The following VPS13D variants were observed in gnomAD, a reference collection of about 807,000 sequenced individuals.
VPS13D encodes intermembrane lipid transfer protein VPS13D.
Under a neutral mutation model 461.9 loss-of-function variants are expected in VPS13D, and 187 were observed. That is an observed-to-expected ratio of 0.40 (90% CI 0.36 to 0.46). The LOEUF (loss-of-function observed/expected upper bound fraction) is 0.46, where lower values mean the gene tolerates loss of function less well. Ranked by LOEUF, VPS13D falls within the 20% of genes least tolerant of loss-of-function variation. The pLI, the probability that VPS13D is intolerant of heterozygous loss-of-function variation, is 0.60. For synonymous variants in VPS13D, 1,951 were observed against 1,986.3 expected (o/e 0.98, Z 0.47); for missense variants, 4,711 against 5,364.9 (o/e 0.88, Z 3.81).
At chr1:12,465,154 T>A (rs1354757197) in intron 67 of VPS13D, 1 of 152,204 alleles carries the variant, frequency 6.6e-6, no homozygotes, top group African/African-American at 2.4e-5. Context: ...CAAAAATACC[T>A]TTGAGAAGAA....
In VPS13D at chr1:12,451,114, A is replaced by G. The variant is rs144787926; in HGVS notation, c.12334-4884A>G. 5.5e-3 allele frequency among the ~76,000 whole-genome samples: 831 copies of G among 152,358 alleles called. 5 individuals are homozygous for G. Among genetic ancestry groups the G allele is most frequent in the Middle Eastern group, 0.014 (4 of 294 alleles). ...GTCAGGTAAACTGATCAGACAGAAC[A>G]GAGGAACACAGTGTGAATTTTTTCC... On this transcript the variant is annotated intron_variant, in intron 65 of 69. Transcript: ENST00000620676.
Position 12,508,987 on chromosome 1 carries a change from T to A in VPS13D, c.13130T>A (p.Leu4377His). Residue 4377 changes from leucine (L) to histidine (H), a missense_variant, in exon 70 of 70, where the codon CTC (leucine) becomes CAC (histidine). This residue lies in a region of VPS13D where 194 missense variants were observed against 220.9 expected (regional missense o/e 0.88). Coordinates refer to ENST00000620676, the MANE Select transcript of VPS13D (RefSeq NM_015378.4). ...LYYEQQLMLRLSENREQLELD... is the reference protein window; with the variant it reads ...LYYEQQLMLRHSENREQLELD... ...TATGAACAGCAGCTTATGTTAAGACTCAGCGAAAACCGAGAGCAGCTGGAG... is the reference window on the plus strand; with the variant it reads ...TATGAACAGCAGCTTATGTTAAGACACAGCGAAAACCGAGAGCAGCTGGAG... 1 of 1,614,144 alleles carries A rather than the reference T, an allele frequency of 6.2e-7. No individual in the cohort carries two copies. Among genetic ancestry groups the A allele is most frequent in the Non-Finnish European group, 8.5e-7 (1 of 1,180,020 alleles).
At chr1:12,382,887 A>T in intron 57 of VPS13D, 89 bp from the exon 58 acceptor site, 1 of 1,258,562 alleles carries the variant, frequency 7.9e-7, no homozygotes. Context: ...GAGAATGTAA[A>T]TTTAGGAACT....
At chr1:12,416,893 C>A (rs1644800749) in intron 65 of VPS13D, 66 bp downstream of exon 65, 3 of 1,456,286 alleles carry the variant, frequency 2.1e-6, no homozygotes, top group Middle Eastern at 2.2e-4. Flanking sequence ...ACTACAATTT[C>A]TTTTATAGTT....
chr1:12,393,785 G>A (rs1385154444), intron 60 of VPS13D, among the ~76,000 whole-genome samples: 3 of 152,182 alleles, frequency 2.0e-5, no homozygotes, highest in African/African-American at 4.8e-5. Context: ...AGGAGCCAAT[G>A]TGGGGGTTCT....
At chr1:12,476,202 G>A (rs1298326721) in intron 67 of VPS13D, among the ~76,000 whole-genome samples, 1 of 152,190 alleles carries the variant, frequency 6.6e-6, no homozygotes, top group African/African-American at 2.4e-5. Flanking sequence ...TCAGAGTTTG[G>A]CCAGTTTATT....
At chr1:12,331,749 A>C (rs888643514) in intron 37 of VPS13D, among the ~76,000 whole-genome samples, 3 of 151,452 alleles carry the variant, frequency 2.0e-5, no homozygotes, top group African/African-American at 7.3e-5. Context: ...TAATGGCCCA[A>C]GTCTTTCTAG....
chr1:12,276,173 T>G lies in VPS13D; in HGVS notation c.2585T>G (p.Leu862Trp). ...FNVHLQLERRLIYTSDPKYPG... is the reference protein window; with the variant it reads ...FNVHLQLERRWIYTSDPKYPG... Reference sequence around the variant, plus strand: ...GTTCACCTACAGTTAGAGCGTCGATTGATTTATACTTCAGATCCCAAATAT... The same window carrying G: ...GTTCACCTACAGTTAGAGCGTCGATGGATTTATACTTCAGATCCCAAATAT... Residue 862 changes from leucine (L) to tryptophan (W), a missense_variant, in exon 19 of 70, where the codon TTG (leucine) becomes TGG (tryptophan). Physicochemically the swap from Leu to Trp is moderately conservative, Grantham distance 61. This residue lies in a region of VPS13D where 4,411 missense variants were observed against 4,937.8 expected (regional missense o/e 0.89). Transcript: ENST00000620676. The surrounding 1 kb of genome is among the most constrained non-coding windows in gnomAD (Gnocchi z 4.5). 6.2e-7 allele frequency: 1 copy of G among 1,614,174 alleles called. No homozygotes were observed. Among genetic ancestry groups the G allele is most frequent in the African/African-American group, 1.3e-5 (1 of 75,044 alleles).
At chr1:12,454,375 C>G (rs970341977) in intron 65 of VPS13D, among the ~76,000 whole-genome samples, 3 of 151,974 alleles carry the variant, frequency 2.0e-5, no homozygotes, top group African/African-American at 7.2e-5. Flanking sequence ...TCCAGTTGTC[C>G]TAAAGGAAGT....
chr1:12,478,797 A>G (rs1354752909), intron 67 of VPS13D: 4 of 455,946 alleles, frequency 8.8e-6, no homozygotes, highest in Admixed American at 7.0e-5. Context: ...TGTTTGTGGT[A>G]TAATGTTGCT....
Position 12,363,259 on chromosome 1 carries a change from A to C in VPS13D, c.10448+12A>C. 1 of 1,613,614 alleles carries C rather than the reference A, an allele frequency of 6.2e-7. No homozygotes were observed. Among genetic ancestry groups the C allele is most frequent in the Non-Finnish European group, 8.5e-7 (1 of 1,179,688 alleles). On this transcript the variant is annotated intron_variant, in intron 52 of 69. Transcript: ENST00000620676. ...CATATCAACATGAGGTAAGTTTGAGACTCTAAATATAGACAAAAAGGTAGC... is the reference window on the plus strand; with the variant it reads ...CATATCAACATGAGGTAAGTTTGAGCCTCTAAATATAGACAAAAAGGTAGC...
At chr1:12,401,968 G>A (rs1644587934) in intron 62 of VPS13D, among the ~76,000 whole-genome samples, 1 of 152,218 alleles carries the variant, frequency 6.6e-6, no homozygotes. Flanking sequence ...TTGGGAAGCA[G>A]TATACTATTC....
intron 60 of VPS13D, among the ~76,000 whole-genome samples, chr1:12,386,738 C>A (rs895868054): frequency 6.6e-6 from 1 of 152,156 alleles, no homozygotes; most frequent in Non-Finnish European, 1.5e-5. Flanking sequence ...CTGAAACAAC[C>A]CCAGAATCCA....
chr1:12,251,962 G>A (rs1002394127), intron 6 of VPS13D, among the ~76,000 whole-genome samples: 10 of 152,136 alleles, frequency 6.6e-5, no homozygotes, highest in Non-Finnish European at 1.5e-4. Flanking sequence ...GGCTCTGAGG[G>A]AGAAACCGTC....
Position 12,509,272 on chromosome 1 carries a change from T to C in VPS13D, c.*248T>C. On this transcript the variant is annotated 3_prime_UTR_variant, in exon 70 of 70. Coordinates refer to ENST00000620676, the MANE Select transcript of VPS13D (RefSeq NM_015378.4). ...ATTGGTTAAATAACGTTTAAAAACA[T>C]GTACTGAGATGAATCTAATTTTTAG... 1 of 457,332 alleles carries C rather than the reference T, an allele frequency of 2.2e-6. No homozygotes were observed. The highest frequency in any genetic ancestry group is 3.6e-5 in the South Asian group (1 of 27,606). 28.3% of individuals were successfully genotyped at this position (457,332 alleles called of 1,614,324 possible).
At position 12,244,372 on chromosome 1, in the gene VPS13D, A is replaced by G; in HGVS notation, c.302A>G (p.Lys101Arg). Residue 101 changes from lysine (K) to arginine (R), a missense_variant, in exon 4 of 70, where the codon AAG becomes AGG. By Grantham distance (26) the Lys-to-Arg change is conservative. This residue lies in a region of VPS13D where 4,411 missense variants were observed against 4,937.8 expected (regional missense o/e 0.89). Coordinates refer to ENST00000620676, the MANE Select transcript of VPS13D (RefSeq NM_015378.4). ...PEKIQDFNDE[K>R]EKLLERERKK... is the part of the protein sequence containing the mutation. Reference sequence around the variant, plus strand: ...AAAATACAGGATTTCAATGATGAAAAGGAGAAGCTGTTGGAAAGGGAACGT... The same window carrying G: ...AAAATACAGGATTTCAATGATGAAAGGGAGAAGCTGTTGGAAAGGGAACGT... 6.2e-7 allele frequency: 1 copy of G among 1,614,200 alleles called. No homozygotes were observed. The highest frequency in any genetic ancestry group is 8.5e-7 in the Non-Finnish European group (1 of 1,180,048).
intron 65 of VPS13D, among the ~76,000 whole-genome samples, chr1:12,430,882 G>C (rs1473109895): frequency 6.6e-6 from 1 of 152,204 alleles, no homozygotes; most frequent in Non-Finnish European, 1.5e-5. Context: ...CAGCCTGTTT[G>C]GATTTTGTGT....
intron 13 of VPS13D, among the ~76,000 whole-genome samples, chr1:12,266,054 G>A (rs1286324419): frequency 1.3e-5 from 2 of 152,178 alleles, no homozygotes; most frequent in African/African-American, 2.4e-5. Flanking sequence ...TCCTAGCTAC[G>A]TGGCAGACTG....
chr1:12,334,855 C>T (rs772723585), intron 38 of VPS13D, among the ~76,000 whole-genome samples: 39 of 152,086 alleles, frequency 2.6e-4, no homozygotes, highest in Non-Finnish European at 4.3e-4. Context: ...TTCCTTGTTC[C>T]GAATACTATA....
Sources: gnomAD v4.1 joint callset for allele counts (sites outside exome capture counted in the v4.1 genomes callset) on GRCh38, gnomAD v4.1.1 for gene constraint, gnomAD v4.1.1 regional missense constraint, Gnocchi (gnomAD v3.1) non-coding constraint, MANE v1.5 for transcripts, NCBI Gene and HGNC (gene_info 2026-07-23, HGNC 2026-07-21) for gene names.